The following SPIRE1 variants were observed in gnomAD, a reference collection of about 807,000 sequenced individuals.
The protein encoded by SPIRE1 is protein spire homolog 1.
SPIRE1 carries 40 observed loss-of-function variants against 94.1 expected under a neutral mutation model. The ratio of observed to expected loss-of-function variants is 0.43; its 90% CI spans 0.33 to 0.55. The LOEUF (loss-of-function observed/expected upper bound fraction) is 0.55, where lower values mean the gene tolerates loss of function less well. SPIRE1 is among the 20% of genes least tolerant of loss of function. SPIRE1 has a pLI of 0.06. For synonymous variants in SPIRE1, 376 were observed against 371.7 expected (o/e 1.01, Z -0.13); for missense variants, 838 against 975.2 (o/e 0.86, Z 1.87).
At chr18:12,565,774 G>A (rs28435097) in intron 2 of SPIRE1, among the ~76,000 whole-genome samples, 12 of 151,936 alleles carry the variant, frequency 7.9e-5, no homozygotes, top group African/African-American at 2.4e-4. Context: ...GGTGGCTCAC[G>A]CCTGTAATCC....
chr18:12,457,908 G>A (rs75156521), intron 12 of SPIRE1, among the ~76,000 whole-genome samples: 2 of 148,654 alleles, frequency 1.3e-5, no homozygotes, highest in South Asian at 2.1e-4. Context: ...GCAGTGGTGC[G>A]ATCTCAGCTC....
chr18:12,494,708 A>G lies in SPIRE1; in HGVS notation c.1059+1308T>C, dbSNP rs185548699. On this transcript the variant is annotated intron_variant, in intron 7 of 16. Coordinates refer to ENST00000409402, the MANE Select transcript of SPIRE1 (RefSeq NM_001128626.2). ...AAAAAAATTAGCCGGGCATGGTGGC[A>G]GGCGCCTGTAGTCCCAGCTACTTGG... 2.5e-3 allele frequency among the ~76,000 whole-genome samples: 379 copies of G among 151,192 alleles called. 1 individual carries two copies. Among genetic ancestry groups the G allele is most frequent in the African/African-American group, 6.7e-3 (276 of 41,318 alleles).
At position 12,464,957 on chromosome 18, in the gene SPIRE1, T is replaced by C; in HGVS notation, c.1406A>G (p.Glu469Gly). 6.2e-7 allele frequency: 1 copy of C among 1,613,924 alleles called. No individual in the cohort carries two copies. The highest frequency in any genetic ancestry group is 8.5e-7 in the Non-Finnish European group (1 of 1,179,922). Residue 469 changes from glutamate (E) to glycine (G), a missense_variant and splice_region_variant, in exon 11 of 17, where the codon GAA becomes GGA. Physicochemically the swap from Glu to Gly is moderately conservative, Grantham distance 98. Coordinates refer to ENST00000409402, the MANE Select transcript of SPIRE1 (RefSeq NM_001128626.2). The stretch of plus-strand genomic sequence containing the variant: ...GCTGGTCGACTTGTGCAGCGTTTCT[T>C]CCTGAGCAAAGTACAGGTGGAGAAA... ...LAELDSSESE[E>G]ETLHKSTSSS...
chr18:12,658,524 G>T (rs1052467246), upstream of SPIRE1: 10 of 466,386 alleles, frequency 2.1e-5, no homozygotes, highest in East Asian at 7.0e-4. Flanking sequence ...CGCCAACCCG[G>T]GTCACCGCCC....
At chr18:12,587,825 G>C (rs988111504) in intron 2 of SPIRE1, among the ~76,000 whole-genome samples, 1 of 152,096 alleles carries the variant, frequency 6.6e-6, no homozygotes, top group African/African-American at 2.4e-5. Flanking sequence ...AACTCTGAAG[G>C]CTTTCTTAAG....
intron 2 of SPIRE1, among the ~76,000 whole-genome samples, chr18:12,632,280 C>T (rs1295657059): frequency 6.6e-6 from 1 of 152,180 alleles, no homozygotes; most frequent in East Asian, 1.9e-4. Flanking sequence ...CAACCATCGT[C>T]TCCCATGTGT....
chr18:12,617,408 TTTTG>T (rs1186661109), intron 2 of SPIRE1, among the ~76,000 whole-genome samples: 10 of 151,840 alleles, frequency 6.6e-5, no homozygotes, highest in East Asian at 1.9e-4. Flanking sequence ...TTTAGTTGTT[TTTTG>T]TTTGTTTGTT....
chr18:12,533,967 AC>A (rs559416217), intron 4 of SPIRE1, among the ~76,000 whole-genome samples: 150 of 146,220 alleles, frequency 1.0e-3, no homozygotes, highest in African/African-American at 3.3e-3. Context: ...ACACACACAC[AC>A]AACTTATTTA....
intron 2 of SPIRE1, among the ~76,000 whole-genome samples, chr18:12,634,436 T>G (rs1218939355): frequency 6.6e-6 from 1 of 151,976 alleles, no homozygotes; most frequent in Non-Finnish European, 1.5e-5. Flanking sequence ...CATACTGCAC[T>G]GAATTATGAA....
intron 2 of SPIRE1, among the ~76,000 whole-genome samples, chr18:12,594,812 C>T (rs2036626968): frequency 6.6e-6 from 1 of 152,194 alleles, no homozygotes; most frequent in East Asian, 1.9e-4. Context: ...CTTCCACCTC[C>T]TCCACCTCTT....
At chr18:12,658,575 C>T, upstream of SPIRE1, 1 of 470,970 alleles carries the variant, frequency 2.1e-6, no homozygotes, top group Non-Finnish European at 4.4e-6. Flanking sequence ...GTTCCCTAGG[C>T]GCTGGATCGC....
chr18:12,500,152 G>A lies in SPIRE1; in HGVS notation c.973-4050C>T, dbSNP rs373972092. Among the ~76,000 whole-genome samples the A allele has an allele frequency of 2.5e-4, 38 of 152,272 alleles. No homozygotes were observed. In the South Asian group the frequency reaches 6.0e-3, roughly 24 times the overall value. ...AGTGGGGAGGTTGGGAGGGGGGTCAGGGTTGAAAAGTTACCTATCAGGTAC... is the reference window on the plus strand; with the variant it reads ...AGTGGGGAGGTTGGGAGGGGGGTCAAGGTTGAAAAGTTACCTATCAGGTAC... On this transcript the variant is annotated intron_variant, in intron 6 of 16. Coordinates refer to ENST00000409402, the MANE Select transcript of SPIRE1 (RefSeq NM_001128626.2).
At chr18:12,541,510 T>A (rs1329549329) in intron 3 of SPIRE1, among the ~76,000 whole-genome samples, 1 of 152,228 alleles carries the variant, frequency 6.6e-6, no homozygotes, top group Non-Finnish European at 1.5e-5. Flanking sequence ...TAGGTGCACA[T>A]AAATTTATGA....
chr18:12,622,234 T>C (rs1262386790), intron 2 of SPIRE1, among the ~76,000 whole-genome samples: 1 of 152,112 alleles, frequency 6.6e-6, no homozygotes, highest in Admixed American at 6.6e-5. Flanking sequence ...ACCAATTAAT[T>C]AAATGATGTA....
rs184023703 is a variant in SPIRE1 at position 12,592,674 on chromosome 18, G to A, written c.372+42388C>T. 3.2e-4 allele frequency among the ~76,000 whole-genome samples: 49 copies of A among 152,240 alleles called. No homozygotes were observed. In the East Asian group the frequency reaches 7.7e-3, roughly 24 times the overall value. On this transcript the variant is annotated intron_variant, in intron 2 of 16. Coordinates refer to ENST00000409402, the MANE Select transcript of SPIRE1 (RefSeq NM_001128626.2). ...AGCCTGTCTCTATCTTAATATAACTGATTATCATTCAATATCGCCACAATG... is the reference window on the plus strand; with the variant it reads ...AGCCTGTCTCTATCTTAATATAACTAATTATCATTCAATATCGCCACAATG...
At chr18:12,658,603 A>T (rs2038629659), upstream of SPIRE1, 2 of 470,326 alleles carry the variant, frequency 4.3e-6, no homozygotes, top group Non-Finnish European at 8.8e-6. Context: ...CTGGTTGAAA[A>T]CTTGAACCCG....
intron 2 of SPIRE1, among the ~76,000 whole-genome samples, chr18:12,609,493 C>T (rs981136664): frequency 6.6e-6 from 1 of 152,128 alleles, no homozygotes; most frequent in Non-Finnish European, 1.5e-5. Context: ...ATTTGTCTTC[C>T]GTTTTCCCAG....
chr18:12,592,330 TAAAC>T (rs1487009769), intron 2 of SPIRE1, among the ~76,000 whole-genome samples: 1 of 152,228 alleles, frequency 6.6e-6, no homozygotes, highest in Non-Finnish European at 1.5e-5. Context: ...TAATATCTGT[TAAAC>T]TAATGTAATA....
At chr18:12,533,208 A>AC (rs1640145326) in intron 4 of SPIRE1, among the ~76,000 whole-genome samples, 1 of 152,216 alleles carries the variant, frequency 6.6e-6, no homozygotes, top group African/African-American at 2.4e-5. Context: ...TGGGGTGGTG[A>AC]CAGAGTGAGA....
Sources: gnomAD v4.1 joint callset for allele counts (sites outside exome capture counted in the v4.1 genomes callset) on GRCh38, gnomAD v4.1.1 for gene constraint, MANE v1.5 for transcripts, NCBI Gene and HGNC (gene_info 2026-07-23, HGNC 2026-07-21) for gene names.